TMEM132D: variants seen among roughly 807,000 people sequenced by gnomAD.
TMEM132D encodes transmembrane protein 132D.
TMEM132D carries 21 observed loss-of-function variants against 62.3 expected under a neutral mutation model. The observed-to-expected ratio is 0.34, with a 90% CI of 0.24 to 0.49. TMEM132D has a LOEUF of 0.49. Ranked by LOEUF, TMEM132D falls within the 20% of genes least tolerant of loss-of-function variation. TMEM132D has a pLI of 0.99. For synonymous variants in TMEM132D, 621 were observed against 575.6 expected (o/e 1.08, Z -1.13); for missense variants, 1,346 against 1,402.8 (o/e 0.96, Z 0.65).
At chr12:129,296,651 A>C (rs4760030) in intron 4 of TMEM132D, among the ~76,000 whole-genome samples, 83,466 of 152,044 alleles carry the variant, frequency 0.55, 23,793 homozygotes, top group East Asian at 0.99. Flanking sequence ...TAAAGGCACT[A>C]AAGAGAGATG....
intron 5 of TMEM132D, among the ~76,000 whole-genome samples, chr12:129,146,133 C>CTAGT (rs1876888415): frequency 6.6e-6 from 1 of 151,678 alleles, no homozygotes; most frequent in Admixed American, 6.6e-5. Context: ...CAGTGGTGTT[C>CTAGT]CAGTCTATCA....
At chr12:129,897,048 C>T (rs1875163277) in intron 1 of TMEM132D, among the ~76,000 whole-genome samples, 1 of 152,166 alleles carries the variant, frequency 6.6e-6, no homozygotes, top group Non-Finnish European at 1.5e-5. Flanking sequence ...TGTTTAAGGA[C>T]AGAGGTGACG....
intron 2 of TMEM132D, among the ~76,000 whole-genome samples, chr12:129,627,629 C>T (rs1879256756): frequency 6.6e-6 from 1 of 151,774 alleles, no homozygotes; most frequent in South Asian, 2.1e-4. Context: ...CTAATATATA[C>T]ACAAGTATAT....
At chr12:129,433,272 T>G (rs1434835855) in intron 3 of TMEM132D, among the ~76,000 whole-genome samples, 1 of 152,218 alleles carries the variant, frequency 6.6e-6, no homozygotes, top group Non-Finnish European at 1.5e-5. Flanking sequence ...GGTATATATA[T>G]AGAAGTAAAA....
At chr12:129,846,719 C>T (rs1513199) in intron 1 of TMEM132D, among the ~76,000 whole-genome samples, 18,549 of 152,162 alleles carry the variant, frequency 0.12, 1,779 homozygotes, top group East Asian at 0.52. Context: ...TTCCAGTTCA[C>T]TCATTCTAAT....
At chr12:129,162,549 T>C (rs1055630323) in intron 5 of TMEM132D, among the ~76,000 whole-genome samples, 1 of 152,094 alleles carries the variant, frequency 6.6e-6, no homozygotes, top group Non-Finnish European at 1.5e-5. Flanking sequence ...TGATCCCCAG[T>C]GTTGGAGTTG....
chr12:129,631,089 T>TA (rs1396973970), intron 2 of TMEM132D, among the ~76,000 whole-genome samples: 1 of 152,138 alleles, frequency 6.6e-6, no homozygotes, highest in Non-Finnish European at 1.5e-5. Context: ...GAATTATCAT[T>TA]ATTATTCCCA....
In TMEM132D at chr12:129,561,443, A is replaced by G. The variant is rs1207661450; in HGVS notation, c.969-30238T>C. 3.8e-4 allele frequency among the ~76,000 whole-genome samples: 58 copies of G among 152,232 alleles called. 1 individual carries two copies. Among genetic ancestry groups the G allele is most frequent in the Admixed American group, 3.7e-3 (57 of 15,282 alleles). On this transcript the variant is annotated intron_variant, in intron 2 of 8. Transcript: ENST00000422113. ...AGGCATGGAATCTCAGCTGTTCTTC[A>G]TAGCAGAGGGCTCAGAGTTTCTTCA...
intron 1 of TMEM132D, among the ~76,000 whole-genome samples, chr12:129,837,181 T>A (rs971601590): frequency 2.0e-5 from 3 of 152,230 alleles, no homozygotes; most frequent in African/African-American, 4.8e-5. Flanking sequence ...AGTAATTATT[T>A]TTTTATAGAT....
At chr12:129,199,749 G>C (rs934108511) in intron 5 of TMEM132D, among the ~76,000 whole-genome samples, 1 of 152,106 alleles carries the variant, frequency 6.6e-6, no homozygotes, top group Non-Finnish European at 1.5e-5. Context: ...GCTTGTGCAG[G>C]GGAACTGCCC....
intron 4 of TMEM132D, among the ~76,000 whole-genome samples, chr12:129,308,489 C>T (rs1392488149): frequency 6.6e-6 from 1 of 152,158 alleles, no homozygotes; most frequent in Non-Finnish European, 1.5e-5. Flanking sequence ...AATTCCCTTC[C>T]ATTTCTCTGC....
At chr12:129,235,533 G>C (rs1879756865) in intron 4 of TMEM132D, among the ~76,000 whole-genome samples, 1 of 152,072 alleles carries the variant, frequency 6.6e-6, no homozygotes, top group East Asian at 1.9e-4. Flanking sequence ...CATGTTATCA[G>C]TGGTTGATTT....
At chr12:129,103,302 C>A (rs978152593) in intron 5 of TMEM132D, among the ~76,000 whole-genome samples, 1 of 152,182 alleles carries the variant, frequency 6.6e-6, no homozygotes, top group Non-Finnish European at 1.5e-5. Flanking sequence ...CCCACAGCAG[C>A]AACTGGATCC....
chr12:129,798,987 C>T (rs973961175), intron 1 of TMEM132D, among the ~76,000 whole-genome samples: 6 of 152,196 alleles, frequency 3.9e-5, no homozygotes, highest in East Asian at 3.9e-4. Context: ...GGATGTCGGC[C>T]GGACGCAGTG....
chr12:129,728,130 C>G (rs1048012640), intron 1 of TMEM132D, among the ~76,000 whole-genome samples: 1 of 152,182 alleles, frequency 6.6e-6, no homozygotes, highest in Admixed American at 6.5e-5. Context: ...GTTGGGGGAG[C>G]AGGAGGGTCC....
intron 1 of TMEM132D, chr12:129,852,677 T>C (rs1270094075): frequency 6.6e-6 from 1 of 152,242 alleles, no homozygotes; most frequent in Non-Finnish European, 1.5e-5. Context: ...TCAGGGGTGA[T>C]CTCTGGAGAT....
intron 2 of TMEM132D, among the ~76,000 whole-genome samples, chr12:129,600,878 AG>A (rs1247220300): frequency 1.3e-5 from 2 of 152,160 alleles, no homozygotes; most frequent in African/African-American, 4.8e-5. Context: ...ATAATTATTA[AG>A]GGCCCTAGGA....
At chr12:129,762,616 T>C (rs7135817) in intron 1 of TMEM132D, among the ~76,000 whole-genome samples, 147,491 of 152,160 alleles carry the variant, frequency 0.97, 71,652 homozygotes, top group Middle Eastern at 1. Flanking sequence ...GCTGGAGATG[T>C]GTCATCAAAG....
At chr12:129,357,715 G>A (rs1239037514) in intron 3 of TMEM132D, among the ~76,000 whole-genome samples, 2 of 152,106 alleles carry the variant, frequency 1.3e-5, no homozygotes, top group Non-Finnish European at 2.9e-5. Context: ...GTGGCAAGGA[G>A]GCCATTATTT....
Sources: gnomAD v4.1 joint callset for allele counts (sites outside exome capture counted in the v4.1 genomes callset) on GRCh38, gnomAD v4.1.1 for gene constraint, MANE v1.5 for transcripts, NCBI Gene and HGNC (gene_info 2026-07-23, HGNC 2026-07-21) for gene names.